The following RBFOX1 variants were observed in gnomAD, a reference collection of about 807,000 sequenced individuals.
RBFOX1 encodes RNA binding fox-1 homolog 1.
Under a neutral mutation model 57.7 loss-of-function variants are expected in RBFOX1, and 8 were observed. The ratio of observed to expected loss-of-function variants is 0.14; its 90% CI spans 0.08 to 0.25. The LOEUF (loss-of-function observed/expected upper bound fraction) is 0.25, where lower values mean the gene tolerates loss of function less well. Ranked by LOEUF, RBFOX1 falls within the 10% of genes least tolerant of loss-of-function variation. The probability of loss-of-function intolerance (pLI) is 1.00; values close to 1 mark genes in which losing one functional copy is unlikely to be tolerated. For missense variants in RBFOX1, 611 were observed against 548.5 expected (o/e 1.11, Z -1.14); for synonymous variants, 326 against 222.4 (o/e 1.47, Z -4.15).
Position 7,097,815 on chromosome 16 carries a change from C to T in RBFOX1, c.27+45717C>T, listed in dbSNP as rs567663758. 4.6e-5 allele frequency among the ~76,000 whole-genome samples: 7 copies of T among 152,234 alleles called. No homozygotes were observed. The South Asian group carries it at 6.2e-4, about 14-fold the overall frequency. On this transcript the variant is annotated intron_variant, in intron 4 of 15. Transcript: ENST00000550418. ...AGAAAAATCTAAAAGCAGAAAAATA[C>T]GAAGTATATGGAAATTTTGAGGTTT...
At chr16:7,431,726 G>A (rs1383696489) in intron 4 of RBFOX1, among the ~76,000 whole-genome samples, 1 of 152,096 alleles carries the variant, frequency 6.6e-6, no homozygotes, top group Non-Finnish European at 1.5e-5. Flanking sequence ...TTAGCCTCTG[G>A]CAATTGCTAC....
chr16:5,884,154 G>A (rs1311372782), intron 4 of RBFOX1, among the ~76,000 whole-genome samples: 1 of 152,134 alleles, frequency 6.6e-6, no homozygotes, highest in Non-Finnish European at 1.5e-5. Flanking sequence ...ACAGTGCCTG[G>A]CAAATAGCAA....
At chr16:5,495,035 C>CAT (rs888671592) in intron 2 of RBFOX1, among the ~76,000 whole-genome samples, 6 of 152,120 alleles carry the variant, frequency 3.9e-5, no homozygotes, top group Non-Finnish European at 7.4e-5. Context: ...CTATAAAAGA[C>CAT]ATACCTCAGA....
intron 3 of RBFOX1, among the ~76,000 whole-genome samples, chr16:5,664,299 C>T (rs931486978): frequency 1.8e-4 from 28 of 152,180 alleles, no homozygotes; most frequent in African/African-American, 6.5e-4. Context: ...CCTATAATCC[C>T]AGCACTTTGG....
chr16:6,353,244 C>G (rs910217507), intron 2 of RBFOX1, among the ~76,000 whole-genome samples: 1 of 152,082 alleles, frequency 6.6e-6, no homozygotes, highest in African/African-American at 2.4e-5. Flanking sequence ...CATACGTCCT[C>G]CATCTGAAAT....
At chr16:6,719,442 C>A (rs1362140425) in intron 3 of RBFOX1, among the ~76,000 whole-genome samples, 1 of 139,462 alleles carries the variant, frequency 7.2e-6, no homozygotes. Context: ...TTCAAAATAA[C>A]CTGTTTTTTT....
At chr16:7,374,552 A>G (rs754382356) in intron 4 of RBFOX1, among the ~76,000 whole-genome samples, 14 of 152,136 alleles carry the variant, frequency 9.2e-5, no homozygotes, top group Non-Finnish European at 1.6e-4. Flanking sequence ...GCTCTTAGCA[A>G]TCCTAACCCC....
chr16:5,560,467 T>C (rs17790267), intron 2 of RBFOX1, among the ~76,000 whole-genome samples: 107,742 of 152,074 alleles, frequency 0.71, 38,313 homozygotes, highest in South Asian at 0.82. Context: ...ACTGCAATCA[T>C]CCATTTATGT....
chr16:7,407,029 CAAAGAT>C (rs1442712427), intron 4 of RBFOX1, among the ~76,000 whole-genome samples: 2 of 152,106 alleles, frequency 1.3e-5, no homozygotes, highest in African/African-American at 4.8e-5. Context: ...CTAAGATAAT[CAAAGAT>C]AATCTCCCCA....
intron 4 of RBFOX1, among the ~76,000 whole-genome samples, chr16:7,102,593 A>T (rs1459255549): frequency 6.6e-6 from 1 of 152,160 alleles, no homozygotes; most frequent in Non-Finnish European, 1.5e-5. Context: ...TTAGGCAGTG[A>T]TCGATTGATT....
At chr16:5,991,032 A>G (rs185720397) in intron 4 of RBFOX1, among the ~76,000 whole-genome samples, 2 of 152,318 alleles carry the variant, frequency 1.3e-5, no homozygotes, top group East Asian at 3.9e-4. Flanking sequence ...TGAAATAAAA[A>G]AAATGTTTTA....
chr16:6,720,108 A>C (rs1035711942), intron 3 of RBFOX1, among the ~76,000 whole-genome samples: 2 of 152,028 alleles, frequency 1.3e-5, no homozygotes, highest in African/African-American at 4.8e-5. Context: ...GAATAAAATA[A>C]ATAAATAAAT....
intron 13 of RBFOX1, among the ~76,000 whole-genome samples, chr16:7,666,389 G>GA (rs3837770): frequency 0.25 from 37,641 of 150,708 alleles, 5,439 homozygotes; most frequent in East Asian, 0.4. Context: ...ACCTACCCAA[G>GA]AAAAAAAAAA....
intron 2 of RBFOX1, among the ~76,000 whole-genome samples, chr16:6,386,395 C>A (rs1012701570): frequency 2.0e-4 from 30 of 152,282 alleles, no homozygotes; most frequent in Admixed American, 1.2e-3. Context: ...TCATGATTAT[C>A]ATCCACTTCT....
chr16:6,797,559 G>A (rs527771985), intron 3 of RBFOX1, among the ~76,000 whole-genome samples: 1 of 152,038 alleles, frequency 6.6e-6, no homozygotes, highest in African/African-American at 2.4e-5. Flanking sequence ...TTACAATGGG[G>A]GTAAAAGAAG....
At chr16:6,122,376 AC>A (rs2096557265) in intron 1 of RBFOX1, among the ~76,000 whole-genome samples, 1 of 141,166 alleles carries the variant, frequency 7.1e-6, no homozygotes, top group East Asian at 3.3e-4. Context: ...ACACACACAC[AC>A]ACACACACAC....
intron 4 of RBFOX1, among the ~76,000 whole-genome samples, chr16:7,345,951 A>G (rs1474745266): frequency 2.0e-5 from 3 of 152,068 alleles, no homozygotes; most frequent in Non-Finnish European, 4.4e-5. Flanking sequence ...TACATTAGGT[A>G]TATCTCCTAA....
chr16:7,513,703 G>A (rs544947625), intron 4 of RBFOX1, among the ~76,000 whole-genome samples: 58 of 152,198 alleles, frequency 3.8e-4, no homozygotes, highest in African/African-American at 1.4e-3. Flanking sequence ...GGTATGAGGC[G>A]CCCAGCACAG....
intron 4 of RBFOX1, among the ~76,000 whole-genome samples, chr16:7,280,012 C>T (rs1353355360): frequency 6.6e-6 from 1 of 152,180 alleles, no homozygotes; most frequent in Non-Finnish European, 1.5e-5. Context: ...TGGCCAGCGC[C>T]ACATCACCTG....
Sources: allele counts gnomAD v4.1 joint callset (sites outside exome capture counted in the v4.1 genomes callset), GRCh38; gene constraint gnomAD v4.1.1; transcripts MANE v1.5; gene names NCBI Gene and HGNC (gene_info 2026-07-23, HGNC 2026-07-21).